The following TSNARE1 variants were observed in gnomAD, a reference collection of about 807,000 sequenced individuals.
The protein encoded by TSNARE1 is t-SNARE domain-containing protein 1.
TSNARE1 carries 49 observed loss-of-function variants against 62.0 expected under a neutral mutation model. The ratio of observed to expected loss-of-function variants is 0.79; its 90% CI spans 0.63 to 1.00. TSNARE1 has a LOEUF of 1.00. Ranked by LOEUF, TSNARE1 falls within the 50% of genes least tolerant of loss-of-function variation. TSNARE1 has a pLI of 0.00. For missense variants in TSNARE1, 755 were observed against 700.1 expected, an observed-to-expected ratio of 1.08 and a Z score of -0.88; for synonymous variants, 328 against 294.4, an observed-to-expected ratio of 1.11 and a Z score of -1.17.
At chr8:142,356,141 C>T (rs959174424) in intron 1 of TSNARE1, among the ~76,000 whole-genome samples, 2 of 152,226 alleles carry the variant, frequency 1.3e-5, no homozygotes, top group African/African-American at 2.4e-5. Context: ...ACAGCGGTGC[C>T]GTCCTACAGT....
chr8:142,320,126 C>T (rs1481599246), intron 6 of TSNARE1, among the ~76,000 whole-genome samples: 1 of 152,166 alleles, frequency 6.6e-6, no homozygotes, highest in African/African-American at 2.4e-5. Context: ...TGCCACTCGG[C>T]CTCCCGTCCC....
rs1382644982 is a variant in TSNARE1, at chr8:142,277,521, G to C, written c.1364-2658C>G. ...AAGCATGGCCGGCTCGGGGCAACTG[G>C]GCCTGCAGCTGGGATGCCCCCACCC... On this transcript the variant is annotated intron_variant, in intron 11 of 13. Coordinates refer to ENST00000524325, the MANE Select transcript of TSNARE1 (RefSeq NM_145003.5). The C allele has an allele frequency of 6.1e-6, 6 of 985,344 alleles. No individual in the cohort carries two copies. In the Admixed American group the frequency reaches 3.7e-4, roughly 61 times the overall value. The allele number at this position is 985,344 out of a possible 1,614,324, so 61.0% of individuals were successfully genotyped here.
chr8:142,262,324 C>CGT (rs144256368), intron 12 of TSNARE1, among the ~76,000 whole-genome samples: 7,788 of 148,816 alleles, frequency 0.052, 345 homozygotes, highest in African/African-American at 0.12. Flanking sequence ...TATCCATGAA[C>CGT]GTGTGTGTGT....
At position 142,291,967 on chromosome 8, in the gene TSNARE1, C is replaced by A. The variant is rs1217578516; in HGVS notation, c.1291-7482G>T. Among the ~76,000 whole-genome samples the A allele has an allele frequency of 2.0e-5, 3 of 151,878 alleles. No homozygotes were observed. Among genetic ancestry groups the A allele is most frequent in the Admixed American group, 6.6e-5 (1 of 15,244 alleles). ...GACGGTCACAGCAACGCACGCCCCC[C>A]CCGGCCCCCCACCTGTTTCAAGCAG... is the stretch of plus-strand genomic sequence containing the variant. On this transcript the variant is annotated intron_variant, in intron 10 of 13. Transcript: ENST00000524325. This position sits in a 1 kb window ranked among gnomAD's most constrained non-coding sequence, Gnocchi z 4.8.
chr8:142,222,990 ACT>A (rs1337940029), intron 13 of TSNARE1, among the ~76,000 whole-genome samples: 2 of 148,092 alleles, frequency 1.4e-5, no homozygotes, highest in Non-Finnish European at 3.0e-5. Context: ...TCATTCACTC[ACT>A]CTCTCATTCA....
At chr8:142,394,175 G>A (rs992969884) in intron 1 of TSNARE1, among the ~76,000 whole-genome samples, 2 of 152,198 alleles carry the variant, frequency 1.3e-5, no homozygotes, top group African/African-American at 4.8e-5. Flanking sequence ...GCCTCCAGTG[G>A]CCTCCATACC....
chr8:142,217,916 G>A lies in TSNARE1; in HGVS notation c.*12-5603C>T, dbSNP rs956273508. 1.0e-3 allele frequency among the ~76,000 whole-genome samples: 83 copies of A among 80,438 alleles called. 5 individuals are homozygous for A. The highest frequency in any genetic ancestry group is 1.2e-3 in the African/African-American group (21 of 17,298). The allele number at this position is 80,438 out of a possible 152,430, so 52.8% of individuals were successfully genotyped here. A position where few individuals can be genotyped will look rare whatever the true frequency, so the allele number is the denominator to read the frequency against. ...TGTGTGACCAGGATCAGGGCTCAGA[G>A]TGTGAACAGGATCAGGGCTCAGAGT... On this transcript the variant is annotated intron_variant, in intron 13 of 13. Coordinates refer to ENST00000524325, the MANE Select transcript of TSNARE1 (RefSeq NM_145003.5).
At chr8:142,362,722 G>A (rs1835255986) in intron 1 of TSNARE1, among the ~76,000 whole-genome samples, 1 of 152,160 alleles carries the variant, frequency 6.6e-6, no homozygotes, top group Admixed American at 6.5e-5. Flanking sequence ...AATGAGTTTT[G>A]GAGGGGACAT....
At chr8:142,351,893 C>T (rs1834134224) in intron 2 of TSNARE1, among the ~76,000 whole-genome samples, 1 of 152,234 alleles carries the variant, frequency 6.6e-6, no homozygotes, top group Non-Finnish European at 1.5e-5. Context: ...CCTCCACACT[C>T]ACCCCACCTC....
intron 10 of TSNARE1, among the ~76,000 whole-genome samples, chr8:142,295,537 G>A (rs911466911): frequency 2.6e-4 from 40 of 152,230 alleles, no homozygotes; most frequent in Admixed American, 1.3e-3. Context: ...GGCCAAAGAC[G>A]GCTGCCCTGC....
intron 7 of TSNARE1, among the ~76,000 whole-genome samples, chr8:142,317,415 C>T (rs1828752496): frequency 6.7e-6 from 1 of 149,110 alleles, no homozygotes; most frequent in Non-Finnish European, 1.5e-5. Flanking sequence ...GTATGGCCAG[C>T]GGCTCACACT....
At position 142,273,929 on chromosome 8, in the gene TSNARE1, G is replaced by A. The variant is rs1820004610; in HGVS notation, c.1446+852C>T. Reference sequence around the variant, plus strand: ...GCCTGTGATGTCCTGGGCTCGTCTGGCTGCTCCTGGACCCTGGCCTCACAC... The same window carrying A: ...GCCTGTGATGTCCTGGGCTCGTCTGACTGCTCCTGGACCCTGGCCTCACAC... On this transcript the variant is annotated intron_variant, in intron 12 of 13. Coordinates refer to ENST00000524325, the MANE Select transcript of TSNARE1 (RefSeq NM_145003.5). 3.0e-6 allele frequency: 3 copies of A among 985,036 alleles called. No homozygotes were observed. The South Asian group carries it at 1.4e-4, about 46-fold the overall frequency. 61.0% of individuals were successfully genotyped at this position (985,036 alleles called of 1,614,324 possible).
intron 9 of TSNARE1, among the ~76,000 whole-genome samples, chr8:142,310,415 G>A (rs565396710): frequency 4.2e-4 from 64 of 151,460 alleles, no homozygotes; most frequent in African/African-American, 1.5e-3. Context: ...CACCGTCGAC[G>A]TTAACCTGGG....
chr8:142,281,358 G>A (rs1241605456), intron 11 of TSNARE1, among the ~76,000 whole-genome samples: 2 of 152,086 alleles, frequency 1.3e-5, no homozygotes, highest in East Asian at 3.9e-4. Flanking sequence ...CGGGATGAAT[G>A]GGTCAGAGCC....
At chr8:142,220,477 C>G (rs553969816) in intron 13 of TSNARE1, among the ~76,000 whole-genome samples, 102 of 152,224 alleles carry the variant, frequency 6.7e-4, no homozygotes, top group African/African-American at 2.3e-3. Flanking sequence ...TCTAGAGAGC[C>G]ACAGGAGACC....
intron 10 of TSNARE1, among the ~76,000 whole-genome samples, chr8:142,295,218 C>T (rs560950869): frequency 3.9e-5 from 6 of 152,376 alleles, no homozygotes; most frequent in African/African-American, 1.4e-4. Context: ...CGCTACGACC[C>T]TCCTCTGGGA....
chr8:142,271,094 T>A (rs1275143713), intron 12 of TSNARE1: 1 of 985,694 alleles, frequency 1.0e-6, no homozygotes, highest in Non-Finnish European at 1.2e-6. Context: ...GCCCTATATC[T>A]CCTCCTCCAC....
intron 12 of TSNARE1, among the ~76,000 whole-genome samples, chr8:142,262,044 G>A (rs1018286635): frequency 3.9e-5 from 6 of 152,146 alleles, no homozygotes; most frequent in Non-Finnish European, 5.9e-5. Flanking sequence ...AGCTGCTCAC[G>A]CCAACCTGCT....
intron 12 of TSNARE1, among the ~76,000 whole-genome samples, chr8:142,256,472 A>G (rs1818579897): frequency 7.2e-6 from 1 of 138,572 alleles, no homozygotes; most frequent in Non-Finnish European, 1.6e-5. Context: ...CACCAACACC[A>G]TCACTATCAC....
Sources: allele counts gnomAD v4.1 joint callset (sites outside exome capture counted in the v4.1 genomes callset), GRCh38; gene constraint gnomAD v4.1.1; non-coding constraint Gnocchi (gnomAD v3.1); transcripts MANE v1.5; gene names NCBI Gene and HGNC (gene_info 2026-07-23, HGNC 2026-07-21).